The following CDH22 variants were observed in gnomAD, a reference collection of about 807,000 sequenced individuals.
The protein encoded by CDH22 is cadherin-22.
Under a neutral mutation model 58.4 loss-of-function variants are expected in CDH22, and 30 were observed. The ratio of observed to expected loss-of-function variants is 0.51; its 90% CI spans 0.38 to 0.70. The LOEUF is 0.70. Among genes scored for constraint, CDH22 ranks in the 30% least tolerant of loss-of-function variants. CDH22 has a pLI of 0.00. For synonymous variants in CDH22, 513 were observed against 558.2 expected, an observed-to-expected ratio of 0.92 and a Z score of 1.14; for missense variants, 1,014 against 1,233.9, an observed-to-expected ratio of 0.82 and a Z score of 2.67.
At chr20:46,272,697 A>G (rs2086497677) in intron 1 of CDH22, among the ~76,000 whole-genome samples, 1 of 152,216 alleles carries the variant, frequency 6.6e-6, no homozygotes, top group Non-Finnish European at 1.5e-5. Context: ...TGCCTCCACT[A>G]GCAGAGATTG....
intron 2 of CDH22, among the ~76,000 whole-genome samples, chr20:46,245,085 G>A (rs1343820229): frequency 1.3e-5 from 2 of 152,110 alleles, no homozygotes; most frequent in Admixed American, 1.3e-4. Flanking sequence ...AGCTCCTTGC[G>A]CTTAGTAGGT....
At chr20:46,193,315 C>G (rs1408671407) in intron 8 of CDH22, among the ~76,000 whole-genome samples, 2 of 152,108 alleles carry the variant, frequency 1.3e-5, no homozygotes, top group African/African-American at 4.8e-5. Flanking sequence ...AGCTCACTGT[C>G]TCTTGAAGCA....
Position 46,194,470 on chromosome 20 carries a change from T to C in CDH22, c.1423+4953A>G, listed in dbSNP as rs954373381. 1.5e-3 allele frequency among the ~76,000 whole-genome samples: 229 copies of C among 152,338 alleles called. 1 individual carries two copies. The highest frequency in any genetic ancestry group is 5.0e-4 in the Non-Finnish European group (34 of 68,032). On this transcript the variant is annotated intron_variant, in intron 8 of 11. Coordinates refer to ENST00000537909, the MANE Select transcript of CDH22 (RefSeq NM_021248.3). ...AAGCCTCATGGGGGAACTCCCTTCC[T>C]TGGCGTCTGTCTCCCCAGGTTGGGT...
intron 3 of CDH22, among the ~76,000 whole-genome samples, chr20:46,233,923 C>G (rs1405199875): frequency 6.6e-6 from 1 of 152,192 alleles, no homozygotes; most frequent in Non-Finnish European, 1.5e-5. Flanking sequence ...CAGAGACCAG[C>G]GATTGATTCC....
In CDH22 at chr20:46,210,539, G is replaced by T; in HGVS notation, c.1054C>A (p.Pro352Thr). The change falls in exon 7 of 12, where the codon CCC becomes ACC. Residue 352 changes from proline to threonine, a missense_variant. By Grantham distance (38) the Pro-to-Thr change is conservative. Around this residue, in one of 2 missense-constraint regions of CDH22, gnomAD observed 806 missense variants for 1,038.7 expected, o/e 0.78. Coordinates refer to ENST00000537909, the MANE Select transcript of CDH22 (RefSeq NM_021248.3). The surrounding 1 kb of genome is among the most constrained non-coding windows in gnomAD (Gnocchi z 4.5). ...GCCTCCAGGATCACGGTGTGCACGG[G>T]CTGGGATTCGAAGTCCAGGCGCTGC... ...VQKRLDFESQPVHTVILEALN... is the reference protein window; with the variant it reads ...VQKRLDFESQTVHTVILEALN... 7.0e-7 allele frequency: 1 copy of T among 1,429,480 alleles called. No individual in the cohort carries two copies. Among genetic ancestry groups the T allele is most frequent in the Non-Finnish European group, 9.2e-7 (1 of 1,088,512 alleles). The allele number at this position is 1,429,480 out of a possible 1,614,324, so 88.5% of individuals were successfully genotyped here.
At chr20:46,217,356 A>G (rs985510014) in intron 4 of CDH22, among the ~76,000 whole-genome samples, 8 of 152,306 alleles carry the variant, frequency 5.3e-5, no homozygotes, top group African/African-American at 1.9e-4. Flanking sequence ...ATACACTTCT[A>G]CAGATACATT....
intron 1 of CDH22, among the ~76,000 whole-genome samples, chr20:46,303,635 C>T (rs570792170): frequency 1.3e-5 from 2 of 152,142 alleles, no homozygotes; most frequent in East Asian, 3.9e-4. Flanking sequence ...GGAAGAGGTG[C>T]TATTTGGGTT....
At position 46,186,621 on chromosome 20, in the gene CDH22, T is replaced by C. The variant is rs1009952318; in HGVS notation, c.1630A>G (p.Ser544Gly). 5.0e-6 allele frequency: 8 copies of C among 1,612,652 alleles called. No individual in the cohort carries two copies. The highest frequency in any genetic ancestry group is 3.9e-4 in the Middle Eastern group (2 of 5,192). Reference protein sequence around the residue: ...FYFRLVPEAPSNPHFSLLDIQ... With the variant: ...FYFRLVPEAPGNPHFSLLDIQ... ...TCAAGCAGAGAGAAATGAGGGTTGCTGGGAGCTTCAGGCACCAGGCGGAAA... is the reference window on the plus strand; with the variant it reads ...TCAAGCAGAGAGAAATGAGGGTTGCCGGGAGCTTCAGGCACCAGGCGGAAA... The change falls in exon 10 of 12, where the codon AGC becomes GGC. Residue 544 changes from serine to glycine, a missense_variant. Physicochemically the swap from Ser to Gly is moderately conservative, Grantham distance 56. This residue lies in a region of CDH22 where 806 missense variants were observed against 1,038.7 expected (regional missense o/e 0.78). Coordinates refer to ENST00000537909, the MANE Select transcript of CDH22 (RefSeq NM_021248.3).
intron 1 of CDH22, among the ~76,000 whole-genome samples, chr20:46,306,639 A>C (rs1165497579): frequency 6.6e-6 from 1 of 152,216 alleles, no homozygotes; most frequent in Non-Finnish European, 1.5e-5. Flanking sequence ...GGAGGGAAAT[A>C]AGGGTGAAGT....
At chr20:46,284,250 C>T (rs928263038) in intron 1 of CDH22, among the ~76,000 whole-genome samples, 19 of 152,020 alleles carry the variant, frequency 1.2e-4, no homozygotes, top group African/African-American at 4.4e-4. Context: ...CAAAGACCAC[C>T]AGGGGGACAA....
intron 1 of CDH22, among the ~76,000 whole-genome samples, chr20:46,274,510 C>T (rs1323013070): frequency 6.6e-6 from 1 of 152,220 alleles, no homozygotes; most frequent in East Asian, 1.9e-4. Context: ...ATTTGGAAAA[C>T]AGTTTGGTAG....
At chr20:46,288,449 A>T (rs1281555304) in intron 1 of CDH22, among the ~76,000 whole-genome samples, 1 of 152,014 alleles carries the variant, frequency 6.6e-6, no homozygotes, top group South Asian at 2.1e-4. Context: ...CGCAGCTTGA[A>T]ACCCCATGGA....
In CDH22 at chr20:46,223,508, GGCCT is replaced by G. The variant is rs555235824; in HGVS notation, c.670+3996_670+3999del. Among the ~76,000 whole-genome samples, 10 of 152,098 alleles carry G rather than the reference GGCCT, an allele frequency of 6.6e-5. No individual in the cohort carries two copies. In the East Asian group the frequency reaches 1.9e-3, roughly 29 times the overall value. Reference sequence around the variant, plus strand: ...CACTTTACATACTTCCTGTTCCCTTGGCCTGCAGTGTTGGTCCCCAGAAATCTGC... The same window carrying G: ...CACTTTACATACTTCCTGTTCCCTTGGCAGTGTTGGTCCCCAGAAATCTGC... On this transcript the variant is annotated intron_variant, in intron 4 of 11. Transcript: ENST00000537909.
chr20:46,304,000 G>T (rs529757717), intron 1 of CDH22, among the ~76,000 whole-genome samples: 3 of 152,110 alleles, frequency 2.0e-5, no homozygotes, highest in African/African-American at 7.2e-5. Context: ...AGAAGGGATC[G>T]CGAGATGGAT....
rs562706289 is a variant in CDH22, at chr20:46,190,381, G to A, written c.1424-3434C>T. On this transcript the variant is annotated intron_variant, in intron 8 of 11. Transcript: ENST00000537909. ...GAACCCTCCTGACTCCAAGTTCAGC[G>A]CTTGGTCCTGATACAATGTCAGGGG... 5.9e-5 allele frequency among the ~76,000 whole-genome samples: 9 copies of A among 152,250 alleles called. No individual in the cohort carries two copies. The East Asian group carries it at 9.7e-4, about 16-fold the overall frequency.
chr20:46,181,385 C>T (rs1409292003), intron 10 of CDH22, among the ~76,000 whole-genome samples: 3 of 152,228 alleles, frequency 2.0e-5, no homozygotes, highest in Middle Eastern at 3.4e-3. Context: ...GGAGAGGGAA[C>T]AGCGTATGCA....
intron 3 of CDH22, among the ~76,000 whole-genome samples, chr20:46,239,114 G>T (rs1008305067): frequency 6.6e-6 from 1 of 152,168 alleles, no homozygotes; most frequent in Non-Finnish European, 1.5e-5. Context: ...TGATCTAGTT[G>T]TTCACTTGCT....
intron 1 of CDH22, among the ~76,000 whole-genome samples, chr20:46,261,748 A>G (rs1396585284): frequency 1.3e-5 from 2 of 152,092 alleles, no homozygotes; most frequent in African/African-American, 4.8e-5. Context: ...CCCTGGGGGA[A>G]AATTATTTCT....
At chr20:46,178,235 C>A (rs200410732) in intron 10 of CDH22, 38 bp from the exon 11 acceptor site, 1 of 1,593,544 alleles carries the variant, frequency 6.3e-7, no homozygotes, top group Admixed American at 1.7e-5. Flanking sequence ...GACTTGGGGC[C>A]GGGGGTCAGC....
Sources: gnomAD v4.1 joint callset for allele counts (sites outside exome capture counted in the v4.1 genomes callset) on GRCh38, gnomAD v4.1.1 for gene constraint, gnomAD v4.1.1 regional missense constraint, Gnocchi (gnomAD v3.1) non-coding constraint, MANE v1.5 for transcripts, NCBI Gene and HGNC (gene_info 2026-07-23, HGNC 2026-07-21) for gene names.